SMOC1: variants seen among roughly 807,000 people sequenced by gnomAD.
The protein encoded by SMOC1 is SPARC-related modular calcium-binding protein 1.
Under a neutral mutation model 56.3 loss-of-function variants are expected in SMOC1, and 22 were observed. That is an observed-to-expected ratio of 0.39 (90% CI 0.28 to 0.56). The LOEUF (loss-of-function observed/expected upper bound fraction) is 0.56. SMOC1 is among the 20% of genes least tolerant of loss of function. The pLI is 0.61. For missense variants in SMOC1, 509 were observed against 565.4 expected (o/e 0.90, Z 1.01); for synonymous variants, 193 against 215.0 (o/e 0.90, Z 0.89).
At chr14:69,978,924 G>A (rs1281724531) in intron 5 of SMOC1, among the ~76,000 whole-genome samples, 2 of 151,992 alleles carry the variant, frequency 1.3e-5, no homozygotes, top group Non-Finnish European at 2.9e-5. Context: ...GGAGGCTTAA[G>A]ATTCACTGCC....
intron 1 of SMOC1, chr14:69,886,071 C>T: frequency 6.3e-7 from 1 of 1,580,188 alleles, no homozygotes; most frequent in Non-Finnish European, 8.6e-7. Context: ...ACTTTCTTAG[C>T]CTCCTGCTTC....
chr14:69,900,383 T>A (rs542162843), intron 1 of SMOC1, among the ~76,000 whole-genome samples: 2 of 152,264 alleles, frequency 1.3e-5, no homozygotes, highest in Admixed American at 1.3e-4. Context: ...GAGCTACTGC[T>A]ATGTGCCAGC....
intron 1 of SMOC1, among the ~76,000 whole-genome samples, chr14:69,904,547 C>T (rs1303996944): frequency 6.6e-6 from 1 of 152,228 alleles, no homozygotes; most frequent in Non-Finnish European, 1.5e-5. Context: ...TGTTGTAGCT[C>T]CTCTTCATAG....
intron 7 of SMOC1, among the ~76,000 whole-genome samples, chr14:70,005,357 A>C (rs1480544137): frequency 2.0e-5 from 3 of 152,056 alleles, no homozygotes; most frequent in Admixed American, 6.5e-5. Context: ...TAGCCGACAG[A>C]GCTGTGCTCC....
intron 7 of SMOC1, among the ~76,000 whole-genome samples, chr14:70,007,769 A>T (rs1885196660): frequency 6.6e-6 from 1 of 152,218 alleles, no homozygotes; most frequent in African/African-American, 2.4e-5. Context: ...TGCCTACCTC[A>T]CATGGGCAAA....
At chr14:69,992,945 A>G (rs1310023541) in intron 6 of SMOC1, among the ~76,000 whole-genome samples, 10 of 152,244 alleles carry the variant, frequency 6.6e-5, no homozygotes, top group Admixed American at 6.5e-4. Flanking sequence ...GCTTTAAATT[A>G]CGGGGTCTCC....
At chr14:69,944,447 T>C (rs1020640044) in intron 1 of SMOC1, among the ~76,000 whole-genome samples, 1 of 152,232 alleles carries the variant, frequency 6.6e-6, no homozygotes, top group African/African-American at 2.4e-5. Context: ...ATGTATGGAT[T>C]GTTCTCCTTC....
At chr14:69,936,089 T>G (rs1164258500) in intron 1 of SMOC1, among the ~76,000 whole-genome samples, 1 of 152,194 alleles carries the variant, frequency 6.6e-6, no homozygotes, top group Non-Finnish European at 1.5e-5. Context: ...TTGCAAGGTC[T>G]TATTTTTGGC....
At chr14:69,890,066 G>A (rs575604562) in intron 1 of SMOC1, among the ~76,000 whole-genome samples, 44 of 152,290 alleles carry the variant, frequency 2.9e-4, no homozygotes, top group South Asian at 6.2e-4. Context: ...TGTGGGGAGC[G>A]TGATTCTGCC....
rs139647477 is a variant in SMOC1, at chr14:69,983,033, A to G, written c.526+5068A>G. Among the ~76,000 whole-genome samples, 415 of 152,306 alleles carry G rather than the reference A, an allele frequency of 2.7e-3. 1 individual carries two copies. Among genetic ancestry groups the G allele is most frequent in the African/African-American group, 9.3e-3 (385 of 41,574 alleles). ...TCAGTTTCAGAAGGGGTGTGCTTGC[A>G]TGCTCACACATGTACCATGTCTCCC... is the stretch of plus-strand genomic sequence containing the variant. On this transcript the variant is annotated intron_variant, in intron 5 of 11. Transcript: ENST00000361956.
intron 1 of SMOC1, among the ~76,000 whole-genome samples, chr14:69,909,281 G>T (rs1399482433): frequency 6.6e-6 from 1 of 152,204 alleles, no homozygotes; most frequent in Non-Finnish European, 1.5e-5. Context: ...CACTCTATAT[G>T]CTTTGTTATT....
chr14:70,029,272 C>T (rs1886051091), intron 11 of SMOC1, among the ~76,000 whole-genome samples: 1 of 152,214 alleles, frequency 6.6e-6, no homozygotes, highest in African/African-American at 2.4e-5. Context: ...CAGAATGAGG[C>T]TGGGACTTTG....
intron 11 of SMOC1, among the ~76,000 whole-genome samples, chr14:70,028,358 T>C (rs1479091192): frequency 6.6e-6 from 1 of 152,206 alleles, no homozygotes; most frequent in East Asian, 1.9e-4. Context: ...CCATCCTCCC[T>C]GATGGCTCAG....
chr14:69,990,980 G>T (rs1324991872), intron 5 of SMOC1, among the ~76,000 whole-genome samples: 1 of 152,126 alleles, frequency 6.6e-6, no homozygotes, highest in African/African-American at 2.4e-5. Context: ...AGGGTGAGAT[G>T]TTGATGCAAA....
At chr14:69,971,180 A>G (rs1161128958) in intron 3 of SMOC1, among the ~76,000 whole-genome samples, 1 of 151,984 alleles carries the variant, frequency 6.6e-6, no homozygotes, top group Admixed American at 6.6e-5. Flanking sequence ...CACCACGCCT[A>G]CTAATTTTTG....
chr14:69,982,210 T>C (rs963031483), intron 5 of SMOC1, among the ~76,000 whole-genome samples: 3 of 152,294 alleles, frequency 2.0e-5, no homozygotes, highest in South Asian at 4.1e-4. Context: ...ATAAAAATAC[T>C]AATATACTCT....
intron 7 of SMOC1, among the ~76,000 whole-genome samples, chr14:70,008,828 A>C (rs1885233788): frequency 6.6e-6 from 1 of 152,242 alleles, no homozygotes; most frequent in Admixed American, 6.5e-5. Context: ...AATACGAGGT[A>C]GGAAAATAAG....
rs1260843935 is a variant in SMOC1 at position 70,031,445 on chromosome 14, T to A, written c.*1187T>A. ...GTTGGGGGAGGTGTCAGTCACCTTG[T>A]TGGTAACACTAAAGTTGTTTTGTTG... On this transcript the variant is annotated 3_prime_UTR_variant, in exon 12 of 12. Transcript: ENST00000361956. 1 of 152,320 alleles carries A rather than the reference T, an allele frequency of 6.6e-6. No homozygotes were observed. Among genetic ancestry groups the A allele is most frequent in the African/African-American group, 2.4e-5 (1 of 41,560 alleles). 9.4% of individuals were successfully genotyped at this position (152,320 alleles called of 1,614,324 possible).
intron 1 of SMOC1, among the ~76,000 whole-genome samples, chr14:69,940,218 C>T (rs1882501481): frequency 6.6e-6 from 1 of 152,166 alleles, no homozygotes; most frequent in Non-Finnish European, 1.5e-5. Flanking sequence ...ATCTTCCCCA[C>T]TCCCCACTGA....
Sources: gnomAD v4.1 joint callset for allele counts (sites outside exome capture counted in the v4.1 genomes callset) on GRCh38, gnomAD v4.1.1 for gene constraint, MANE v1.5 for transcripts, NCBI Gene and HGNC (gene_info 2026-07-23, HGNC 2026-07-21) for gene names.